Variants in ADAMTS18 observed in about 807,000 individuals in gnomAD.
ADAMTS18 encodes A disintegrin and metalloproteinase with thrombospondin motifs 18.
In ADAMTS18, 157 loss-of-function variants were observed where a neutral mutation model predicts 165.9. The ratio of observed to expected loss-of-function variants is 0.95; its 90% CI spans 0.83 to 1.08. The LOEUF (loss-of-function observed/expected upper bound fraction) is 1.08. Among genes scored for constraint, ADAMTS18 ranks in the 50% least tolerant of loss-of-function variants. The probability of loss-of-function intolerance (pLI) is 0.00; values close to 1 mark genes in which losing one functional copy is unlikely to be tolerated. For missense variants in ADAMTS18, 2,040 were observed against 1,534.0 expected (o/e 1.33, Z -5.51); for synonymous variants, 782 against 578.2 (o/e 1.35, Z -5.06).
chr16:77,288,194 G>C (rs1191206344), intron 22 of ADAMTS18, among the ~76,000 whole-genome samples: 1 of 152,078 alleles, frequency 6.6e-6, no homozygotes, highest in Non-Finnish European at 1.5e-5. Flanking sequence ...ATCCTTCCAG[G>C]AGATACTGTT....
chr16:77,366,583 A>T (rs560519345), intron 4 of ADAMTS18, among the ~76,000 whole-genome samples: 50 of 152,288 alleles, frequency 3.3e-4, no homozygotes, highest in African/African-American at 1.1e-3. Context: ...AAACAAAAAC[A>T]AAAAAACAAG....
At chr16:77,398,730 T>C (rs2057290492) in intron 3 of ADAMTS18, among the ~76,000 whole-genome samples, 1 of 152,092 alleles carries the variant, frequency 6.6e-6, no homozygotes, top group African/African-American at 2.4e-5. Context: ...CCCCGAAATA[T>C]GATAACCTAA....
At chr16:77,427,138 T>C (rs1358769168) in intron 3 of ADAMTS18, among the ~76,000 whole-genome samples, 1 of 152,184 alleles carries the variant, frequency 6.6e-6, no homozygotes, top group South Asian at 2.1e-4. Context: ...GAATTAAAAA[T>C]ACACCTTCCT....
chr16:77,379,182 T>C (rs1019283857), intron 3 of ADAMTS18, among the ~76,000 whole-genome samples: 2 of 152,200 alleles, frequency 1.3e-5, no homozygotes, highest in South Asian at 2.1e-4. Flanking sequence ...GCTTCTCTCA[T>C]GAGGCGCCTT....
Position 77,314,178 on chromosome 16 carries a change from G to C in ADAMTS18, c.2532+5671C>G, listed in dbSNP as rs1434460128. Among the ~76,000 whole-genome samples, 3 of 152,274 alleles carry C rather than the reference G, an allele frequency of 2.0e-5. No homozygotes were observed. In the East Asian group the frequency reaches 5.8e-4, roughly 29 times the overall value. The stretch of plus-strand genomic sequence containing the variant: ...TGATGGGACTGGGTATCTCCAGTTA[G>C]GAAGATGATGGGAGTTAACTCAACG... On this transcript the variant is annotated intron_variant, in intron 16 of 22. Transcript: ENST00000282849.
At chr16:77,286,058 C>G (rs376552302) in intron 22 of ADAMTS18, among the ~76,000 whole-genome samples, 20 of 152,266 alleles carry the variant, frequency 1.3e-4, no homozygotes, top group African/African-American at 4.8e-4. Flanking sequence ...ACTGACAAGG[C>G]CTCCAGTCCC....
chr16:77,331,100 C>T (rs532607528), intron 12 of ADAMTS18, among the ~76,000 whole-genome samples: 2 of 152,232 alleles, frequency 1.3e-5, no homozygotes, highest in South Asian at 4.1e-4. Flanking sequence ...GATAAAACTG[C>T]ACTGAATGAA....
intron 3 of ADAMTS18, among the ~76,000 whole-genome samples, chr16:77,403,864 G>T (rs1316046875): frequency 6.6e-6 from 1 of 152,168 alleles, no homozygotes; most frequent in Non-Finnish European, 1.5e-5. Context: ...TGCCATGCAA[G>T]TACAAAACAA....
At chr16:77,415,922 G>A (rs1421122793) in intron 3 of ADAMTS18, among the ~76,000 whole-genome samples, 7 of 152,100 alleles carry the variant, frequency 4.6e-5, no homozygotes, top group Admixed American at 2.0e-4. Flanking sequence ...ACGTTTGAGT[G>A]CCTATTACTT....
intron 3 of ADAMTS18, among the ~76,000 whole-genome samples, chr16:77,393,314 G>C (rs1010713207): frequency 1.3e-5 from 2 of 152,200 alleles, no homozygotes; most frequent in South Asian, 2.1e-4. Context: ...GGCTGCCTGA[G>C]GGTTTGCATT....
In ADAMTS18 at chr16:77,359,428, T is replaced by TG. The variant is rs749859816; in HGVS notation, c.1217-6dup. On this transcript the variant is annotated splice_polypyrimidine_tract_variant and splice_region_variant and intron_variant, in intron 7 of 22. Coordinates refer to ENST00000282849, the MANE Select transcript of ADAMTS18 (RefSeq NM_199355.4). ...TTCCACTGATGGGGGCAAACCCTATTGAAAGAGCAGTTTCAAATGTGAATC... is the reference window on the plus strand; with the variant it reads ...TTCCACTGATGGGGGCAAACCCTATTGGAAAGAGCAGTTTCAAATGTGAATC... The TG allele has an allele frequency of 7.4e-6, 12 of 1,611,944 alleles. No individual in the cohort carries two copies. The highest frequency in any genetic ancestry group is 8.5e-6 in the Non-Finnish European group (10 of 1,179,018).
At chr16:77,336,944 G>C (rs750769501) in intron 11 of ADAMTS18, among the ~76,000 whole-genome samples, 3 of 152,134 alleles carry the variant, frequency 2.0e-5, no homozygotes, top group African/African-American at 4.8e-5. Flanking sequence ...GAGGAATTGG[G>C]GGATCGGTTA....
At chr16:77,346,560 A>G (rs1308971009) in intron 10 of ADAMTS18, among the ~76,000 whole-genome samples, 5 of 152,198 alleles carry the variant, frequency 3.3e-5, no homozygotes, top group Admixed American at 2.0e-4. Flanking sequence ...TCATTGTATC[A>G]TCATTGTGGC....
chr16:77,362,322 A>C, intron 6 of ADAMTS18, 58 bp from the exon 7 acceptor site: 1 of 1,583,842 alleles, frequency 6.3e-7, no homozygotes, highest in Non-Finnish European at 8.7e-7. Flanking sequence ...AGAATGCTGA[A>C]TCATTCCATT....
chr16:77,347,743 G>C (rs2056498500), intron 10 of ADAMTS18, among the ~76,000 whole-genome samples: 2 of 151,990 alleles, frequency 1.3e-5, no homozygotes, highest in South Asian at 4.1e-4. Flanking sequence ...TTTTGGTAAG[G>C]GGATTGGCAC....
intron 3 of ADAMTS18, among the ~76,000 whole-genome samples, chr16:77,368,112 A>C (rs886413329): frequency 5.3e-5 from 8 of 152,164 alleles, no homozygotes; most frequent in South Asian, 2.1e-4. Flanking sequence ...GCCTCCCAAA[A>C]TGCTGGGACT....
intron 16 of ADAMTS18, among the ~76,000 whole-genome samples, chr16:77,303,551 A>G (rs993894622): frequency 1.3e-5 from 2 of 151,996 alleles, no homozygotes; most frequent in Non-Finnish European, 2.9e-5. Context: ...CCTCTCTCAT[A>G]TCTTACCACC....
At chr16:77,375,225 T>C (rs185716243) in intron 3 of ADAMTS18, among the ~76,000 whole-genome samples, 49 of 152,262 alleles carry the variant, frequency 3.2e-4, no homozygotes, top group South Asian at 1.0e-3. Flanking sequence ...TTTCACCACA[T>C]TGGTCAGGCT....
intron 3 of ADAMTS18, among the ~76,000 whole-genome samples, chr16:77,420,693 T>G (rs970642837): frequency 6.6e-6 from 1 of 152,354 alleles, no homozygotes; most frequent in African/African-American, 2.4e-5. Context: ...GATGTAGAGA[T>G]ATTCATTAGC....
Sources: allele counts gnomAD v4.1 joint callset (sites outside exome capture counted in the v4.1 genomes callset), GRCh38; gene constraint gnomAD v4.1.1; transcripts MANE v1.5; gene names NCBI Gene and HGNC (gene_info 2026-07-23, HGNC 2026-07-21).